The following GSPT1 variants were observed in gnomAD, a reference collection of about 807,000 sequenced individuals.
GSPT1 encodes eukaryotic peptide chain release factor GTP-binding subunit ERF3A.
In GSPT1, 20 loss-of-function variants were observed where a neutral mutation model predicts 72.5. The observed-to-expected ratio is 0.28, with a 90% confidence interval of 0.19 to 0.40. GSPT1 has a LOEUF of 0.40. Ranked by LOEUF, GSPT1 falls within the 10% of genes least tolerant of loss-of-function variation. The pLI is 1.00. For synonymous variants in GSPT1, 334 were observed against 293.5 expected (o/e 1.14, Z -1.41); for missense variants, 580 against 811.9 (o/e 0.71, Z 3.47).
chr16:11,888,006 A>G (rs949270600), intron 6 of GSPT1, among the ~76,000 whole-genome samples: 2 of 152,076 alleles, frequency 1.3e-5, no homozygotes, highest in African/African-American at 4.8e-5. Context: ...TACCGAAAAT[A>G]CAAAAATTAG....
chr16:11,891,131 G>A lies in GSPT1; in HGVS notation c.707C>T (p.Thr236Ile). ...STIGGQIMYL[T>I]GMVDKRTLEK... Reference sequence around the variant, plus strand: ...AAGCGTCCTTTTGTCAACCATTCCAGTCAAATACCTGAAAACATTTAAAGA... The same window carrying A: ...AAGCGTCCTTTTGTCAACCATTCCAATCAAATACCTGAAAACATTTAAAGA... Residue 236 changes from threonine to isoleucine, a missense_variant, in exon 6 of 15, where the codon ACT becomes ATT. Transcript: ENST00000434724. The A allele has an allele frequency of 1.4e-6, 2 of 1,447,198 alleles. No individual in the cohort carries two copies. Among genetic ancestry groups the A allele is most frequent in the Non-Finnish European group, 9.4e-7 (1 of 1,068,462 alleles). 89.6% of individuals were successfully genotyped at this position (1,447,198 alleles called of 1,614,324 possible). A position where few individuals can be genotyped will look rare whatever the true frequency, so the allele number is the denominator to read the frequency against.
chr16:11,887,072 C>T, intron 7 of GSPT1, 141 bp from the exon 8 acceptor site: 1 of 607,206 alleles, frequency 1.6e-6, no homozygotes, highest in South Asian at 2.3e-5. Flanking sequence ...TTATGACGTA[C>T]CTGCTTTTGA....
intron 6 of GSPT1, among the ~76,000 whole-genome samples, chr16:11,888,351 A>G (rs1236628310): frequency 1.3e-5 from 2 of 151,390 alleles, no homozygotes; most frequent in African/African-American, 2.4e-5. Context: ...AGTCACAGCT[A>G]TTTCGAAAGC....
At position 11,883,055 on chromosome 16, in the gene GSPT1, G is replaced by A; in HGVS notation, c.1388C>T (p.Ser463Phe). 1 of 1,609,112 alleles carries A rather than the reference G, an allele frequency of 6.2e-7. No individual in the cohort carries two copies. Among genetic ancestry groups the A allele is most frequent in the Non-Finnish European group, 8.5e-7 (1 of 1,175,560 alleles). Residue 463 changes from serine (S) to phenylalanine (F), a missense_variant, in exon 11 of 15, where the codon TCT becomes TTT. Coordinates refer to ENST00000434724, the MANE Select transcript of GSPT1 (RefSeq NM_002094.4). ...CACAAGCTGCTGGCCTTTACAAATA[G>A]ATCCTGATTCCAGCTTTCCCAGGAC... ...TVVLGKLESGSICKGQQLVMM... is the reference protein window; with the variant it reads ...TVVLGKLESGFICKGQQLVMM...
intron 8 of GSPT1, 31 bp from the exon 9 acceptor site, chr16:11,886,642 A>C: frequency 6.3e-7 from 1 of 1,583,302 alleles, no homozygotes; most frequent in Non-Finnish European, 8.7e-7. Context: ...AAATAACTCA[A>C]TTATAATGTA....
rs1029659159 is a variant in GSPT1 at position 11,875,106 on chromosome 16, G to A, written c.1861+655C>T. 6.6e-5 allele frequency among the ~76,000 whole-genome samples: 10 copies of A among 151,892 alleles called. No individual in the cohort carries two copies. The South Asian group carries it at 1.7e-3, about 25-fold the overall frequency. On this transcript the variant is annotated intron_variant, in intron 14 of 14. Coordinates refer to ENST00000434724, the MANE Select transcript of GSPT1 (RefSeq NM_002094.4). The stretch of plus-strand genomic sequence containing the variant: ...CGGGAGGCTGAGGCAGGAGAATGGC[G>A]TGAACCTGGGAGGTGGAGCTTGCAG...
At position 11,904,574 on chromosome 16, in the gene GSPT1, G is replaced by T. The variant is rs538464083; in HGVS notation, c.353-6539C>A. On this transcript the variant is annotated intron_variant, in intron 1 of 14. Transcript: ENST00000434724. ...AATTTTTTTTTAAAGCTATGATCAT[G>T]GGTCAAAGGACTTGAATATGGAGAA... is the stretch of plus-strand genomic sequence containing the variant. 6.3e-4 allele frequency among the ~76,000 whole-genome samples: 96 copies of T among 151,928 alleles called. 5 individuals are homozygous for T. The South Asian group carries it at 0.019, about 30-fold the overall frequency.
chr16:11,907,573 G>C lies in GSPT1; in HGVS notation c.352+7796C>G, dbSNP rs548588059. On this transcript the variant is annotated intron_variant, in intron 1 of 14. Transcript: ENST00000434724. Reference sequence around the variant, plus strand: ...CAGGGCCACTCTCAGAAAACTACACGCTAGTTGTAGTAATTAGCTCCAGGC... The same window carrying C: ...CAGGGCCACTCTCAGAAAACTACACCCTAGTTGTAGTAATTAGCTCCAGGC... 1.1e-4 allele frequency among the ~76,000 whole-genome samples: 17 copies of C among 152,044 alleles called. No homozygotes were observed. In the South Asian group the frequency reaches 3.5e-3, roughly 31 times the overall value.
Position 11,915,435 on chromosome 16 carries a change from G to T in GSPT1, c.286C>A (p.Pro96Thr). The change falls in exon 1 of 15, where the codon CCG becomes ACG. Residue 96 changes from proline to threonine, a missense_variant. Physicochemically the swap from Pro to Thr is conservative, Grantham distance 38 (BLOSUM62 -1). Around this residue, in one of 6 missense-constraint regions of GSPT1, gnomAD observed 327 missense variants for 298.8 expected, o/e 1.09. Transcript: ENST00000434724. Reference protein sequence around the residue: ...VPSFLRGPAAPPPPVGGAANN... With the variant: ...VPSFLRGPAATPPPVGGAANN... ...GCGGCGCCGCCAACTGGGGGTGGCG[G>T]CGCTGCCGGGCCCCGCAGGAAGGAC... The T allele has an allele frequency of 6.6e-7, 1 of 1,516,442 alleles. No homozygotes were observed. The highest frequency in any genetic ancestry group is 1.5e-5 in the African/African-American group (1 of 68,894). 93.9% of individuals were successfully genotyped at this position (1,516,442 alleles called of 1,614,324 possible).
chr16:11,891,029 G>C (rs751496222), intron 6 of GSPT1, 33 bp downstream of exon 6: 1 of 961,426 alleles, frequency 1.0e-6, no homozygotes, highest in South Asian at 1.5e-5. Flanking sequence ...CTCCTTAAAA[G>C]TAATTTATAA....
rs1210985265 is a variant in GSPT1 at position 11,915,693 on chromosome 16, C to CGCT, written c.27_28insAGC (p.Gly9_Gly10insSer). The CGCT allele has an allele frequency of 6.7e-7, 1 of 1,492,376 alleles. No individual in the cohort carries two copies. Among genetic ancestry groups the CGCT allele is most frequent in the Admixed American group, 2.3e-5 (1 of 43,212 alleles). The allele number at this position is 1,492,376 out of a possible 1,614,324, so 92.4% of individuals were successfully genotyped here. ...CTGCTCCCGCCGCCGCCGCCGCCGCCGCCGCCGCCGCCACTGCCCGGATCC... is the reference window on the plus strand; with the variant it reads ...CTGCTCCCGCCGCCGCCGCCGCCGCCGCTGCCGCCGCCGCCACTGCCCGGATCC... On this transcript the variant is annotated inframe_insertion, in exon 1 of 15. Coordinates refer to ENST00000434724, the MANE Select transcript of GSPT1 (RefSeq NM_002094.4).
chr16:11,916,104 G>C, upstream of GSPT1: 1 of 470,080 alleles, frequency 2.1e-6, no homozygotes, highest in South Asian at 1.5e-5. Context: ...GCGGCGGGAG[G>C]TGGAACTACA....
At position 11,885,289 on chromosome 16, in the gene GSPT1, A is replaced by G; in HGVS notation, c.1254-15T>C. 7.8e-7 allele frequency: 1 copy of G among 1,285,966 alleles called. No individual in the cohort carries two copies. The highest frequency in any genetic ancestry group is 1.1e-6 in the Non-Finnish European group (1 of 882,222). The allele number at this position is 1,285,966 out of a possible 1,614,324, so 79.7% of individuals were successfully genotyped here. A position where few individuals can be genotyped will look rare whatever the true frequency, so the allele number is the denominator to read the frequency against. On this transcript the variant is annotated splice_polypyrimidine_tract_variant and intron_variant, in intron 9 of 14. Coordinates refer to ENST00000434724, the MANE Select transcript of GSPT1 (RefSeq NM_002094.4). ...ACGGTAATCCACTGAGAACATAACA[A>G]CAAAGCCATTAAAGGAAGTCAACAT... is the stretch of plus-strand genomic sequence containing the variant.
At chr16:11,911,772 G>T (rs1263552376) in intron 1 of GSPT1, among the ~76,000 whole-genome samples, 1 of 148,262 alleles carries the variant, frequency 6.7e-6, no homozygotes, top group African/African-American at 2.5e-5. Flanking sequence ...GGCTGGTCTC[G>T]AACTCCTGAC....
At chr16:11,874,173 G>A (rs2054010498) in intron 14 of GSPT1, among the ~76,000 whole-genome samples, 1 of 152,034 alleles carries the variant, frequency 6.6e-6, no homozygotes. Context: ...TGTTCTAAAT[G>A]TTCTAATATT....
chr16:11,915,724 C>G lies in GSPT1; in HGVS notation c.-4G>C, dbSNP rs375631610. 7.9e-6 allele frequency: 12 copies of G among 1,514,008 alleles called. No homozygotes were observed. Among genetic ancestry groups the G allele is most frequent in the African/African-American group, 1.4e-5 (1 of 68,978 alleles). 93.8% of individuals were successfully genotyped at this position (1,514,008 alleles called of 1,614,324 possible). On this transcript the variant is annotated 5_prime_UTR_variant, in exon 1 of 15. Coordinates refer to ENST00000434724, the MANE Select transcript of GSPT1 (RefSeq NM_002094.4). ...CGCCGCCACTGCCCGGATCCATGATCGGGGGGGCCGTGTGTGTGGTGGACA... is the reference window on the plus strand; with the variant it reads ...CGCCGCCACTGCCCGGATCCATGATGGGGGGGGCCGTGTGTGTGGTGGACA...
At chr16:11,902,885 C>A (rs139481222) in intron 1 of GSPT1, among the ~76,000 whole-genome samples, 71 of 151,918 alleles carry the variant, frequency 4.7e-4, no homozygotes, top group African/African-American at 1.6e-3. Flanking sequence ...CCACACCTGG[C>A]CTTAAATTTT....
upstream of GSPT1, chr16:11,916,026 T>C (rs1294415001): frequency 4.7e-6 from 3 of 643,670 alleles, no homozygotes; most frequent in African/African-American, 5.5e-5. Flanking sequence ...GATTGACCCC[T>C]CGCCGCCACC....
intron 6 of GSPT1, among the ~76,000 whole-genome samples, chr16:11,888,550 T>C (rs554636803): frequency 6.6e-5 from 10 of 150,574 alleles, no homozygotes; most frequent in African/African-American, 2.4e-4. Flanking sequence ...TCACCTGAGG[T>C]CAAGAGATTG....
Sources: allele counts gnomAD v4.1 joint callset (sites outside exome capture counted in the v4.1 genomes callset), GRCh38; gene constraint gnomAD v4.1.1; regional missense constraint gnomAD v4.1.1; transcripts MANE v1.5; gene names NCBI Gene and HGNC (gene_info 2026-07-23, HGNC 2026-07-21).